The following SLC5A4 variants were observed in gnomAD, a reference collection of about 807,000 sequenced individuals.
SLC5A4 encodes the protein solute carrier family 5 member 4.
In SLC5A4, 55 loss-of-function variants were observed where a neutral mutation model predicts 70.3. The ratio of observed to expected loss-of-function variants is 0.78; its 90% CI spans 0.63 to 0.98. The LOEUF (loss-of-function observed/expected upper bound fraction) is 0.98, where lower values mean the gene tolerates loss of function less well. SLC5A4 is among the 50% of genes least tolerant of loss of function. The probability of loss-of-function intolerance (pLI) is 0.00; values close to 1 mark genes in which losing one functional copy is unlikely to be tolerated. For synonymous variants in SLC5A4, 268 were observed against 305.7 expected (o/e 0.88, Z 1.29); for missense variants, 735 against 839.2 (o/e 0.88, Z 1.53).
rs571162181 is a variant in SLC5A4 at position 32,226,806 on chromosome 22, C to T, written c.1281-983G>A. ...CAATGGCCCTGGATGACCTCGCCTC[C>T]AGGCACCTTTCTGACCTTGCTCTTC... On this transcript the variant is annotated intron_variant, in intron 11 of 14. Transcript: ENST00000266086. Among the ~76,000 whole-genome samples the T allele has an allele frequency of 5.3e-5, 8 of 152,270 alleles. No homozygotes were observed. In the South Asian group the frequency reaches 1.5e-3, roughly 28 times the overall value.
the SLC5A4 span, among the ~76,000 whole-genome samples, chr22:32,301,102 A>G: frequency 6.6e-6 from 1 of 152,096 alleles, no homozygotes; most frequent in South Asian, 2.1e-4. Context: ...AGCTGGGCTT[A>G]CAGGCGCCCA....
At chr22:32,304,094 T>C in the SLC5A4 span, among the ~76,000 whole-genome samples, 1 of 152,214 alleles carries the variant, frequency 6.6e-6, no homozygotes, top group Admixed American at 6.5e-5. Context: ...GTGTATCTTC[T>C]TTGGTCTTTG....
the SLC5A4 span, among the ~76,000 whole-genome samples, chr22:32,326,141 G>T: frequency 6.6e-6 from 1 of 152,224 alleles, no homozygotes; most frequent in Non-Finnish European, 1.5e-5. Flanking sequence ...AAAAGCAGAG[G>T]AGTCATGAGG....
chr22:32,239,223 T>C, intron 5 of SLC5A4, 133 bp from the exon 6 acceptor site: 1 of 696,434 alleles, frequency 1.4e-6, no homozygotes, highest in East Asian at 2.7e-5. Flanking sequence ...TCCACTGAGA[T>C]GGCCCCAGAG....
chr22:32,247,241 C>T (rs1284408989), intron 5 of SLC5A4, among the ~76,000 whole-genome samples, 170 bp downstream of exon 5: 1 of 152,138 alleles, frequency 6.6e-6, no homozygotes, highest in African/African-American at 2.4e-5. Flanking sequence ...TTGAAGCTCC[C>T]TTTTTCCTCA....
At chr22:32,234,829 G>T (rs1372055171) in intron 8 of SLC5A4, 44 bp downstream of exon 8, 2 of 1,165,130 alleles carry the variant, frequency 1.7e-6, no homozygotes, top group African/African-American at 1.5e-5. Flanking sequence ...CAGACACACA[G>T]ACAGACAGAC....
chr22:32,331,832 T>TGGGGTTCCTCCTGCCACGGGTG, the SLC5A4 span, among the ~76,000 whole-genome samples: 2 of 152,016 alleles, frequency 1.3e-5, no homozygotes, highest in Non-Finnish European at 1.5e-5. Flanking sequence ...CCATTCGCCC[T>TGGGGTTCCTCCTGCCACGGGTG]GGGGTTCCTC....
At chr22:32,237,979 G>T (rs1352651016) in intron 6 of SLC5A4, among the ~76,000 whole-genome samples, 1 of 152,134 alleles carries the variant, frequency 6.6e-6, no homozygotes, top group Non-Finnish European at 1.5e-5. Flanking sequence ...TGTGAAAGTT[G>T]TCTGTACCAA....
chr22:32,347,497 C>T, the SLC5A4 span, among the ~76,000 whole-genome samples: 4 of 152,034 alleles, frequency 2.6e-5, no homozygotes, highest in African/African-American at 9.7e-5. Context: ...AAATGTGACA[C>T]ATATACACCA....
the SLC5A4 span, among the ~76,000 whole-genome samples, chr22:32,294,214 A>G: frequency 6.6e-6 from 1 of 152,152 alleles, no homozygotes; most frequent in East Asian, 1.9e-4. Context: ...ATCTCCTATG[A>G]CTGCTAAGTA....
intron 5 of SLC5A4, among the ~76,000 whole-genome samples, chr22:32,243,479 T>C (rs1467465727): frequency 6.6e-6 from 1 of 152,204 alleles, no homozygotes; most frequent in Non-Finnish European, 1.5e-5. Flanking sequence ...ATCCATGTTA[T>C]GTTTACTTGA....
rs769412222 is a variant in SLC5A4 at position 32,251,843 on chromosome 22, C to G, written c.239G>C (p.Gly80Ala). Reference protein sequence around the residue: ...MGASLFASNIGSNHYVGLAGT... With the variant: ...MGASLFASNIASNHYVGLAGT... ...AGCCAGCCCCACATAGTGGTTGCTG[C>G]CGATGTTACTGGCAAAGAGAGAGGC... The change falls in exon 3 of 15, where the codon GGC becomes GCC. Residue 80 changes from glycine to alanine, a missense_variant. Coordinates refer to ENST00000266086, the MANE Select transcript of SLC5A4 (RefSeq NM_014227.3). The G allele has an allele frequency of 1.9e-6, 3 of 1,613,918 alleles. No homozygotes were observed. The highest frequency in any genetic ancestry group is 2.5e-6 in the Non-Finnish European group (3 of 1,179,830).
At chr22:32,272,624 C>T in the SLC5A4 span, 3 of 595,962 alleles carry the variant, frequency 5.0e-6, no homozygotes, top group Non-Finnish European at 6.2e-6. Flanking sequence ...ACCACGACTG[C>T]AGCCTCATGG....
chr22:32,315,732 CAG>C, the SLC5A4 span, among the ~76,000 whole-genome samples: 1 of 138,038 alleles, frequency 7.2e-6, no homozygotes, highest in South Asian at 2.3e-4. Flanking sequence ...ACAATGATGA[CAG>C]AACTAAGACC....
At chr22:32,334,222 T>C in the SLC5A4 span, among the ~76,000 whole-genome samples, 5 of 152,012 alleles carry the variant, frequency 3.3e-5, no homozygotes, top group Non-Finnish European at 7.4e-5. Context: ...CTGTGACCTG[T>C]CCTAGCCCCT....
the SLC5A4 span, among the ~76,000 whole-genome samples, chr22:32,343,629 G>A: frequency 6.6e-6 from 1 of 152,076 alleles, no homozygotes; most frequent in African/African-American, 2.4e-5. Flanking sequence ...CAGTCTTAAC[G>A]GATAAACTAT....
the SLC5A4 span, among the ~76,000 whole-genome samples, chr22:32,344,814 T>C: frequency 1.3e-5 from 2 of 152,140 alleles, no homozygotes; most frequent in East Asian, 1.9e-4. Flanking sequence ...TCTCCTTATA[T>C]TGTACACATT....
At chr22:32,248,607 C>T (rs528754501) in intron 4 of SLC5A4, 136 bp downstream of exon 4, 1 of 667,380 alleles carries the variant, frequency 1.5e-6, no homozygotes, top group African/African-American at 1.8e-5. Context: ...TGAGACTGAG[C>T]TCCCATCTCC....
chr22:32,229,211 C>A lies in SLC5A4; in HGVS notation c.1263G>T (p.Glu421Asp). The A allele has an allele frequency of 6.2e-7, 1 of 1,614,076 alleles. No individual in the cohort carries two copies. Among genetic ancestry groups the A allele is most frequent in the South Asian group, 1.1e-5 (1 of 91,054 alleles). Residue 421 changes from glutamate to aspartate, a missense_variant, in exon 11 of 15, where the codon GAG becomes GAT. Coordinates refer to ENST00000266086, the MANE Select transcript of SLC5A4 (RefSeq NM_014227.3). ...TCACTCACCGTCCAGCTATCAGGAG[C>A]TCTTTCTCCGACGCTTGCTTCCGCA... Reference protein sequence around the residue: ...TKMRKQASEKELLIAGRIFVL... With the variant: ...TKMRKQASEKDLLIAGRIFVL...
Sources: allele counts gnomAD v4.1 joint callset (sites outside exome capture counted in the v4.1 genomes callset), GRCh38; gene constraint gnomAD v4.1.1; transcripts MANE v1.5; gene names NCBI Gene and HGNC (gene_info 2026-07-23, HGNC 2026-07-21).